BBX: variants seen among roughly 807,000 people sequenced by gnomAD.
BBX encodes the protein BBX high mobility group box domain containing.
Under a neutral mutation model 100.2 loss-of-function variants are expected in BBX, and 30 were observed. That is an observed-to-expected ratio of 0.30 (90% CI 0.22 to 0.41). BBX has a LOEUF of 0.41. BBX is among the 10% of genes least tolerant of loss of function. The pLI is 1.00. For missense variants in BBX, 1,023 were observed against 1,129.8 expected (o/e 0.91, Z 1.35); for synonymous variants, 376 against 388.1 (o/e 0.97, Z 0.37).
At chr3:107,607,019 TATG>T (rs1559866915) in intron 2 of BBX, among the ~76,000 whole-genome samples, 3 of 152,194 alleles carry the variant, frequency 2.0e-5, no homozygotes, top group Admixed American at 6.5e-5. Flanking sequence ...AGTGAAAACA[TATG>T]ATGTTTGTCT....
intron 10 of BBX, among the ~76,000 whole-genome samples, chr3:107,772,370 A>G (rs977763573): frequency 6.6e-6 from 1 of 152,182 alleles, no homozygotes; most frequent in Non-Finnish European, 1.5e-5. Context: ...TCTTGTTTTC[A>G]TAGGAAAAGC....
At chr3:107,577,833 C>T (rs1185066923) in intron 2 of BBX, among the ~76,000 whole-genome samples, 1 of 151,950 alleles carries the variant, frequency 6.6e-6, no homozygotes. Flanking sequence ...GTGGGTATTG[C>T]AGTAAGGAGG....
intron 2 of BBX, among the ~76,000 whole-genome samples, chr3:107,552,688 T>C (rs1347599451): frequency 6.6e-6 from 1 of 152,218 alleles, no homozygotes; most frequent in Non-Finnish European, 1.5e-5. Flanking sequence ...TAAAAGTGCT[T>C]AAAAATTAAT....
chr3:107,603,863 T>A (rs2054241044), intron 2 of BBX, among the ~76,000 whole-genome samples: 1 of 152,160 alleles, frequency 6.6e-6, no homozygotes, highest in African/African-American at 2.4e-5. Context: ...CTTTTTTTTT[T>A]AGAAATAATG....
intron 2 of BBX, among the ~76,000 whole-genome samples, chr3:107,590,968 C>T (rs1396793410): frequency 6.6e-6 from 1 of 152,208 alleles, no homozygotes; most frequent in Non-Finnish European, 1.5e-5. Context: ...TGCAGTATTG[C>T]CGGAAACTTA....
At chr3:107,765,526 G>A (rs945349000) in intron 10 of BBX, among the ~76,000 whole-genome samples, 4 of 151,938 alleles carry the variant, frequency 2.6e-5, no homozygotes, top group African/African-American at 9.7e-5. Context: ...TGCCCACACT[G>A]GTCTGAAACT....
At chr3:107,691,272 GTTA>G (rs2060154902) in intron 3 of BBX, among the ~76,000 whole-genome samples, 1 of 152,044 alleles carries the variant, frequency 6.6e-6, no homozygotes, top group Non-Finnish European at 1.5e-5. Context: ...ACTGTGTTTT[GTTA>G]TTGTTGTTAT....
chr3:107,615,546 C>CA (rs1192894667), intron 2 of BBX, among the ~76,000 whole-genome samples: 1 of 152,052 alleles, frequency 6.6e-6, no homozygotes, highest in East Asian at 1.9e-4. Flanking sequence ...GAGTACTCTA[C>CA]CATCACGATC....
chr3:107,573,446 T>C (rs974680761), intron 2 of BBX, among the ~76,000 whole-genome samples: 1 of 151,998 alleles, frequency 6.6e-6, no homozygotes, highest in African/African-American at 2.4e-5. Context: ...TCCCAGCTGC[T>C]CGGGAGGCTG....
intron 3 of BBX, among the ~76,000 whole-genome samples, chr3:107,697,973 G>T (rs2060764510): frequency 6.6e-6 from 1 of 151,932 alleles, no homozygotes; most frequent in South Asian, 2.1e-4. Flanking sequence ...GGGGCCGTCT[G>T]TCACCACTTT....
intron 2 of BBX, among the ~76,000 whole-genome samples, chr3:107,537,262 C>A (rs908032994): frequency 2.0e-5 from 3 of 152,048 alleles, no homozygotes; most frequent in African/African-American, 7.2e-5. Context: ...ACTGATTGAA[C>A]CAAAGAGAAT....
chr3:107,754,673 C>T (rs941547217), intron 9 of BBX, among the ~76,000 whole-genome samples: 4 of 152,138 alleles, frequency 2.6e-5, no homozygotes, highest in South Asian at 4.1e-4. Flanking sequence ...GATATAGTCA[C>T]AAGCAGGATT....
chr3:107,665,347 C>CTCTA lies in BBX; in HGVS notation c.-10+19439_-10+19442dup, dbSNP rs2058680654. ...GCCAGTCATTTCTTCTTGAGCTTTA[C>CTCTA]TCTACTTTTTTTGAAAAATTAGAGT... On this transcript the variant is annotated intron_variant, in intron 3 of 17. Coordinates refer to ENST00000325805, the MANE Select transcript of BBX (RefSeq NM_001142568.3). Among the ~76,000 whole-genome samples the CTCTA allele has an allele frequency of 5.9e-5, 9 of 152,278 alleles. No individual in the cohort carries two copies. In the South Asian group the frequency reaches 1.9e-3, roughly 32 times the overall value.
intron 9 of BBX, among the ~76,000 whole-genome samples, chr3:107,749,039 A>G (rs2064851888): frequency 6.6e-6 from 1 of 152,074 alleles, no homozygotes; most frequent in Non-Finnish European, 1.5e-5. Flanking sequence ...ACTCGTGTCA[A>G]CTACTATGAC....
At chr3:107,648,185 ATTGT>A (rs910053055) in intron 3 of BBX, among the ~76,000 whole-genome samples, 3 of 152,120 alleles carry the variant, frequency 2.0e-5, no homozygotes, top group African/African-American at 7.2e-5. Flanking sequence ...AACATGTCAA[ATTGT>A]TTGACCATGA....
In BBX at chr3:107,566,206, A is replaced by T. The variant is rs576342335; in HGVS notation, c.-84+39808A>T. 1.7e-3 allele frequency among the ~76,000 whole-genome samples: 237 copies of T among 142,224 alleles called. 1 individual carries two copies. The highest frequency in any genetic ancestry group is 2.6e-3 in the Non-Finnish European group (172 of 66,024). The allele number at this position is 142,224 out of a possible 152,430, so 93.3% of individuals were successfully genotyped here. On this transcript the variant is annotated intron_variant, in intron 2 of 17. Coordinates refer to ENST00000325805, the MANE Select transcript of BBX (RefSeq NM_001142568.3). ...AAAAAAAAAAAAAAAAAAAAAAGAT[A>T]GTTTGTTGACCTAATCATGTCATTT...
intron 3 of BBX, among the ~76,000 whole-genome samples, chr3:107,676,247 TATC>T (rs1445853801): frequency 1.7e-4 from 26 of 152,312 alleles, no homozygotes; most frequent in African/African-American, 5.5e-4. Flanking sequence ...GTATCTGAAT[TATC>T]ATAGACTAAT....
At chr3:107,580,632 A>G (rs925853251) in intron 2 of BBX, among the ~76,000 whole-genome samples, 2 of 148,944 alleles carry the variant, frequency 1.3e-5, no homozygotes, top group Admixed American at 1.3e-4. Flanking sequence ...TAAGCACTCA[A>G]TTTTTTTTTT....
At chr3:107,688,746 T>C (rs2059989336) in intron 3 of BBX, among the ~76,000 whole-genome samples, 1 of 152,200 alleles carries the variant, frequency 6.6e-6, no homozygotes, top group African/African-American at 2.4e-5. Flanking sequence ...ATAATCACTG[T>C]CATCTCTCTT....
Sources: allele counts gnomAD v4.1 joint callset (sites outside exome capture counted in the v4.1 genomes callset), GRCh38; gene constraint gnomAD v4.1.1; transcripts MANE v1.5; gene names NCBI Gene and HGNC (gene_info 2026-07-23, HGNC 2026-07-21).